KIAA1958: variants seen among roughly 807,000 people sequenced by gnomAD.
The protein encoded by KIAA1958 is KIAA1958.
A neutral mutation model predicts 47.2 loss-of-function variants in KIAA1958; 14 were observed. That is an observed-to-expected ratio of 0.30 (90% confidence interval 0.20 to 0.46). The LOEUF (loss-of-function observed/expected upper bound fraction) is 0.46. KIAA1958 is among the 20% of genes least tolerant of loss of function. KIAA1958 has a pLI of 1.00. For synonymous variants in KIAA1958, 354 were observed against 353.3 expected (o/e 1.00, Z -0.02); for missense variants, 803 against 909.2 (o/e 0.88, Z 1.50).
intron 1 of KIAA1958, among the ~76,000 whole-genome samples, chr9:112,517,908 A>G (rs1834465708): frequency 6.6e-6 from 1 of 152,260 alleles, no homozygotes; most frequent in Non-Finnish European, 1.5e-5. Flanking sequence ...AAAAAGTCTG[A>G]CCAGGTGTTG....
chr9:112,544,606 A>C (rs1352347002), intron 1 of KIAA1958, among the ~76,000 whole-genome samples: 5 of 152,250 alleles, frequency 3.3e-5, no homozygotes, highest in African/African-American at 1.2e-4. Flanking sequence ...TCTGTTAAGC[A>C]CATTAAAAGT....
At chr9:112,657,158 T>C (rs1003615706) in intron 3 of KIAA1958, among the ~76,000 whole-genome samples, 2 of 152,016 alleles carry the variant, frequency 1.3e-5, no homozygotes, top group Admixed American at 1.3e-4. Flanking sequence ...TGCAGTGGCA[T>C]GATCTCAGCT....
intron 1 of KIAA1958, among the ~76,000 whole-genome samples, chr9:112,506,404 C>T (rs1343798187): frequency 1.3e-5 from 2 of 152,008 alleles, no homozygotes; most frequent in Admixed American, 1.3e-4. Flanking sequence ...TGCAGTGAGC[C>T]GAGATCACGC....
chr9:112,659,192 G>A, intron 3 of KIAA1958, 71 bp from the exon 4 acceptor site: 1 of 1,287,590 alleles, frequency 7.8e-7, no homozygotes, highest in Non-Finnish European at 1.1e-6. Flanking sequence ...CCCCTGGTGA[G>A]GATTAGAAGG....
intron 1 of KIAA1958, among the ~76,000 whole-genome samples, chr9:112,511,814 A>G (rs1223790643): frequency 6.6e-6 from 1 of 152,244 alleles, no homozygotes; most frequent in Non-Finnish European, 1.5e-5. Flanking sequence ...AGATATACAG[A>G]TTACCAATAT....
intron 1 of KIAA1958, among the ~76,000 whole-genome samples, chr9:112,501,977 A>C (rs1834149634): frequency 6.6e-6 from 1 of 152,260 alleles, no homozygotes; most frequent in African/African-American, 2.4e-5. Flanking sequence ...AATTTATAGA[A>C]GAGAAATGTT....
chr9:112,638,431 G>A (rs1432344866), intron 2 of KIAA1958, among the ~76,000 whole-genome samples: 2 of 152,018 alleles, frequency 1.3e-5, no homozygotes, highest in Admixed American at 6.5e-5. Context: ...GAACCCAGGA[G>A]CACGAGGCTG....
intron 1 of KIAA1958, among the ~76,000 whole-genome samples, chr9:112,496,382 T>C (rs1379287572): frequency 2.0e-5 from 3 of 152,226 alleles, no homozygotes; most frequent in Non-Finnish European, 4.4e-5. Context: ...CATTCTGTTC[T>C]GTTAGAAGCC....
chr9:112,530,315 G>A (rs939578761), intron 1 of KIAA1958, among the ~76,000 whole-genome samples: 1 of 152,186 alleles, frequency 6.6e-6, no homozygotes, highest in African/African-American at 2.4e-5. Flanking sequence ...AGCTTTAGCT[G>A]CTGGGAGCTC....
In KIAA1958 at chr9:112,659,508, C is replaced by T. The variant is rs16917185; in HGVS notation, c.1590C>T (p.Ile530=). Residue 530 remains isoleucine (I), a synonymous_variant, in exon 4 of 4, where the codon ATC becomes ATT. Transcript: ENST00000337530. ...AGMSGARSRN[I]VYFSLSDEEE... ...TGTCGGGCGCGCGTTCTCGCAACAT[C>T]GTCTACTTCTCCCTTTCTGACGAGG... The T allele has an allele frequency of 8.7e-6, 14 of 1,613,106 alleles. No individual in the cohort carries two copies. The Admixed American group carries it at 1.3e-4, about 15-fold the overall frequency.
At chr9:112,591,301 G>T (rs1235042174) in intron 2 of KIAA1958, among the ~76,000 whole-genome samples, 1 of 151,930 alleles carries the variant, frequency 6.6e-6, no homozygotes, top group East Asian at 1.9e-4. Context: ...AGCCAGGATG[G>T]TCTCGATCTC....
In KIAA1958 at chr9:112,668,398, C is replaced by G. The variant is rs1837378628; in HGVS notation, c.*8329C>G. 1 of 152,202 alleles carries G rather than the reference C, an allele frequency of 6.6e-6. No individual in the cohort carries two copies. The highest frequency in any genetic ancestry group is 2.4e-5 in the African/African-American group (1 of 41,456). The allele number at this position is 152,202 out of a possible 1,614,324, so 9.4% of individuals were successfully genotyped here. The stretch of plus-strand genomic sequence containing the variant: ...TGGCCTGGGGCAGTGAGATGCTTTC[C>G]TTAGCTGTACTTGAAGTTTTATGGA... On this transcript the variant is annotated 3_prime_UTR_variant, in exon 4 of 4. Coordinates refer to ENST00000337530, the MANE Select transcript of KIAA1958 (RefSeq NM_133465.4).
chr9:112,546,366 A>G (rs1220419600), intron 1 of KIAA1958, among the ~76,000 whole-genome samples: 3 of 152,158 alleles, frequency 2.0e-5, no homozygotes, highest in African/African-American at 7.2e-5. Context: ...TTTCCTAGAA[A>G]ACTTATGAAT....
intron 1 of KIAA1958, among the ~76,000 whole-genome samples, chr9:112,509,173 G>A (rs897776332): frequency 5.4e-5 from 8 of 148,494 alleles, no homozygotes; most frequent in East Asian, 2.0e-4. Context: ...AATAAGCATC[G>A]TTGTAAGAAG....
intron 1 of KIAA1958, among the ~76,000 whole-genome samples, chr9:112,516,307 A>G (rs879838129): frequency 8.6e-5 from 13 of 151,416 alleles, no homozygotes; most frequent in Non-Finnish European, 1.9e-4. Context: ...TTGTATTTCT[A>G]TATATTAGCA....
In KIAA1958 at chr9:112,574,107, T is replaced by G; in HGVS notation, c.27T>G (p.Ser9=). MEDCLHTS[S]ENLSKLVSWA... is the part of the protein sequence containing the mutation. ...TGGAGGATTGTCTTCATACCTCATC[T>G]GAGAATCTGTCCAAATTGGTCAGCT... The change falls in exon 2 of 4, where the codon TCT becomes TCG. Residue 9 remains serine (S), a synonymous_variant. Transcript: ENST00000337530. 6.2e-7 allele frequency: 1 copy of G among 1,602,758 alleles called. No homozygotes were observed.
intron 2 of KIAA1958, chr9:112,582,556 A>C (rs1487661247): frequency 6.4e-6 from 1 of 156,276 alleles, no homozygotes; most frequent in African/African-American, 2.4e-5. Context: ...GTCTCAGGAC[A>C]CTTTCAGGTC....
At chr9:112,630,588 T>G (rs1254019214) in intron 2 of KIAA1958, among the ~76,000 whole-genome samples, 1 of 152,252 alleles carries the variant, frequency 6.6e-6, no homozygotes, top group South Asian at 2.1e-4. Context: ...TAATTCTCCA[T>G]GTACCATTTA....
chr9:112,620,558 G>A (rs1440460896), intron 2 of KIAA1958, among the ~76,000 whole-genome samples: 3 of 152,166 alleles, frequency 2.0e-5, no homozygotes, highest in Non-Finnish European at 4.4e-5. Flanking sequence ...CTAAGGAGTG[G>A]GAAGTCAGCC....
Sources: gnomAD v4.1 joint callset for allele counts (sites outside exome capture counted in the v4.1 genomes callset) on GRCh38, gnomAD v4.1.1 for gene constraint, MANE v1.5 for transcripts, NCBI Gene and HGNC (gene_info 2026-07-23, HGNC 2026-07-21) for gene names.